Variants in C8orf89 observed in about 807,000 individuals in gnomAD.
C8orf89 encodes putative uncharacterized protein C8orf89.
A neutral mutation model predicts 15.8 loss-of-function variants in C8orf89; 14 were observed. That is an observed-to-expected ratio of 0.89 (90% confidence interval 0.59 to 1.39). The LOEUF is 1.39. C8orf89 is among the 40% of genes most tolerant of loss of function. The pLI is 0.00. For synonymous variants in C8orf89, 55 were observed against 62.2 expected (o/e 0.88, Z 0.54); for missense variants, 181 against 184.5 (o/e 0.98, Z 0.11).
upstream of C8orf89, among the ~76,000 whole-genome samples, chr8:73,260,059 T>C (rs1435303922): frequency 6.6e-6 from 1 of 152,176 alleles, no homozygotes; most frequent in African/African-American, 2.4e-5. Flanking sequence ...TTTTTTCCAG[T>C]GATCACAACA....
At chr8:73,248,477 A>G (rs921990108) in intron 3 of C8orf89, among the ~76,000 whole-genome samples, 4 of 152,176 alleles carry the variant, frequency 2.6e-5, no homozygotes, top group African/African-American at 9.7e-5. Flanking sequence ...TTCTATGAAG[A>G]ATGTCATTGG....
chr8:73,246,512 G>A (rs560207203), intron 3 of C8orf89, among the ~76,000 whole-genome samples: 1 of 152,298 alleles, frequency 6.6e-6, no homozygotes, highest in East Asian at 1.9e-4. Context: ...CTGAGTAGCT[G>A]AGATTACAGG....
chr8:73,243,826 A>G (rs1813063593), intron 3 of C8orf89, among the ~76,000 whole-genome samples: 1 of 152,176 alleles, frequency 6.6e-6, no homozygotes, highest in Non-Finnish European at 1.5e-5. Flanking sequence ...CACCGCACTC[A>G]GTTTTAATGC....
chr8:73,241,561 A>G lies in C8orf89; in HGVS notation c.382T>C (p.Leu128=). 3.3e-6 allele frequency: 5 copies of G among 1,532,952 alleles called. No individual in the cohort carries two copies. The highest frequency in any genetic ancestry group is 4.4e-6 in the Non-Finnish European group (5 of 1,144,942). 95.0% of individuals were successfully genotyped at this position (1,532,952 alleles called of 1,614,324 possible). A position where few individuals can be genotyped will look rare whatever the true frequency, so the allele number is the denominator to read the frequency against. ...DPLTGAPSQY[L]ERLSKIAILE... ...ATGGCTATTTTGGAAAGTCTCTCTA[A>G]GTATTGAGATGGTGCTCCAGTGAGA... The change falls in exon 4 of 4, where the codon TTA becomes CTA. Residue 128 remains leucine (L), a synonymous_variant. Transcript: ENST00000624510.
intron 1 of C8orf89, among the ~76,000 whole-genome samples, chr8:73,258,409 CAAAAAAAA>C (rs34265425): frequency 2.9e-5 from 2 of 69,158 alleles, no homozygotes; most frequent in African/African-American, 5.6e-5. Flanking sequence ...GACTCCATCT[CAAAAAAAA>C]AAAAAAAAAA....
the C8orf89 span, among the ~76,000 whole-genome samples, chr8:73,284,083 T>C: frequency 5.9e-5 from 9 of 151,750 alleles, no homozygotes; most frequent in African/African-American, 2.2e-4. Flanking sequence ...TATTGTTGCA[T>C]TGTTTGTAAC....
the C8orf89 span, among the ~76,000 whole-genome samples, chr8:73,273,781 C>T: frequency 5.2e-4 from 78 of 148,948 alleles, no homozygotes; most frequent in African/African-American, 1.8e-3. Flanking sequence ...ATACTTCAAA[C>T]TTCAAAATTT....
the C8orf89 span, among the ~76,000 whole-genome samples, chr8:73,271,069 C>T: frequency 6.6e-6 from 1 of 152,218 alleles, no homozygotes; most frequent in African/African-American, 2.4e-5. Flanking sequence ...TGCCAATCCC[C>T]CATTCCTGCC....
At chr8:73,249,408 C>T (rs13265321) in intron 3 of C8orf89, among the ~76,000 whole-genome samples, 9,217 of 151,968 alleles carry the variant, frequency 0.061, 307 homozygotes, top group South Asian at 0.081. Flanking sequence ...CTGCATATTT[C>T]GGTATCAGGA....
At chr8:73,246,525 C>G (rs527740383) in intron 3 of C8orf89, among the ~76,000 whole-genome samples, 1 of 152,242 alleles carries the variant, frequency 6.6e-6, no homozygotes, top group East Asian at 1.9e-4. Flanking sequence ...ATTACAGGCG[C>G]ACACCACAAT....
At chr8:73,274,647 C>T in the C8orf89 span, among the ~76,000 whole-genome samples, 1 of 152,178 alleles carries the variant, frequency 6.6e-6, no homozygotes, top group Middle Eastern at 3.4e-3. Context: ...TTTTTCCATC[C>T]CCCATCATGC....
At chr8:73,271,245 C>A in the C8orf89 span, among the ~76,000 whole-genome samples, 2 of 152,190 alleles carry the variant, frequency 1.3e-5, no homozygotes, top group South Asian at 2.1e-4. Flanking sequence ...GTTTCCTCCC[C>A]AAATCTCATG....
Position 73,241,336 on chromosome 8 carries a change from TA to T in C8orf89, c.*120del. 1 of 805,084 alleles carries T rather than the reference TA, an allele frequency of 1.2e-6. No homozygotes were observed. The highest frequency in any genetic ancestry group is 1.7e-6 in the Non-Finnish European group (1 of 588,164). The allele number at this position is 805,084 out of a possible 1,614,324, so 49.9% of individuals were successfully genotyped here. A position where few individuals can be genotyped will look rare whatever the true frequency, so the allele number is the denominator to read the frequency against. On this transcript the variant is annotated 3_prime_UTR_variant, in exon 4 of 4. Coordinates refer to ENST00000624510, the MANE Select transcript of C8orf89 (RefSeq NM_001243237.3). Reference sequence around the variant, plus strand: ...AAATACAAATGACTCATCTATAATGTAAAATATTTATTTATTTACATTTCCA... The same window carrying T: ...AAATACAAATGACTCATCTATAATGTAAATATTTATTTATTTACATTTCCA...
upstream of C8orf89, chr8:73,259,539 G>A (rs970338365): frequency 1.5e-5 from 16 of 1,041,296 alleles, no homozygotes; most frequent in Middle Eastern, 8.5e-4. Flanking sequence ...AACAAGGCAC[G>A]TCCGAGACAA....
intron 2 of C8orf89, among the ~76,000 whole-genome samples, chr8:73,251,081 G>A (rs1020019220): frequency 1.3e-5 from 2 of 152,052 alleles, no homozygotes; most frequent in Non-Finnish European, 2.9e-5. Context: ...TTCCAAGCAT[G>A]AGCCACTGAG....
At chr8:73,270,061 G>T in the C8orf89 span, among the ~76,000 whole-genome samples, 1 of 152,116 alleles carries the variant, frequency 6.6e-6, no homozygotes, top group Non-Finnish European at 1.5e-5. Context: ...AAAACTTATA[G>T]TAGCAAGAAA....
the C8orf89 span, among the ~76,000 whole-genome samples, chr8:73,276,337 C>T: frequency 6.6e-6 from 1 of 152,020 alleles, no homozygotes; most frequent in Non-Finnish European, 1.5e-5. Context: ...CCACCACGCC[C>T]TGCTAATTTT....
chr8:73,256,557 G>A (rs374343356), intron 2 of C8orf89, among the ~76,000 whole-genome samples: 11 of 151,528 alleles, frequency 7.3e-5, no homozygotes, highest in Non-Finnish European at 1.2e-4. Flanking sequence ...GTGAAACTCC[G>A]TCTCTACTAA....
intron 2 of C8orf89, among the ~76,000 whole-genome samples, chr8:73,253,258 A>C (rs1813289773): frequency 6.6e-6 from 1 of 152,206 alleles, no homozygotes; most frequent in South Asian, 2.1e-4. Flanking sequence ...ATCCCTCTGG[A>C]GAGTTTTCTT....
Sources: allele counts gnomAD v4.1 joint callset (sites outside exome capture counted in the v4.1 genomes callset), GRCh38; gene constraint gnomAD v4.1.1; transcripts MANE v1.5; gene names NCBI Gene and HGNC (gene_info 2026-07-23, HGNC 2026-07-21).